ERP44: variants seen among roughly 807,000 people sequenced by gnomAD.
ERP44 encodes the protein endoplasmic reticulum resident protein 44.
Under a neutral mutation model 53.4 loss-of-function variants are expected in ERP44, and 25 were observed. The ratio of observed to expected loss-of-function variants is 0.47; its 90% CI spans 0.34 to 0.65. The LOEUF is 0.65. Ranked by LOEUF, ERP44 falls within the 30% of genes least tolerant of loss-of-function variation. The pLI, the probability that ERP44 is intolerant of heterozygous loss-of-function variation, is 0.01. For missense variants in ERP44, 338 were observed against 493.2 expected (o/e 0.69, Z 2.98); for synonymous variants, 145 against 161.2 (o/e 0.90, Z 0.76).
At chr9:100,006,416 A>G (rs549367532) in intron 10 of ERP44, 90 bp downstream of exon 10, 28 of 990,732 alleles carry the variant, frequency 2.8e-5, no homozygotes, top group Admixed American at 2.3e-4. Context: ...CTGTTCCAAC[A>G]TAGGATTATT....
chr9:100,037,183 G>A (rs1825854878), intron 4 of ERP44, among the ~76,000 whole-genome samples: 1 of 152,192 alleles, frequency 6.6e-6, no homozygotes, highest in South Asian at 2.1e-4. Flanking sequence ...GAGAAGGAGA[G>A]CACAGCAATT....
chr9:100,075,827 G>A (rs531864327), intron 1 of ERP44, among the ~76,000 whole-genome samples: 3 of 152,254 alleles, frequency 2.0e-5, no homozygotes, highest in South Asian at 4.2e-4. Flanking sequence ...CCCATTTATC[G>A]AGTGACTCAA....
rs1192577701 is a variant in ERP44 at position 99,985,203 on chromosome 9, G to A, written c.1017-134C>T. ...ACCACAACTATTGCAGGCCAGGTAT[G>A]TGTGAAACATTTTTACACAGTTGTA... On this transcript the variant is annotated intron_variant, in intron 10 of 11. Transcript: ENST00000262455. 15 of 605,182 alleles carry A rather than the reference G, an allele frequency of 2.5e-5. No homozygotes were observed. The East Asian group carries it at 4.0e-4, about 16-fold the overall frequency. 37.5% of individuals were successfully genotyped at this position (605,182 alleles called of 1,614,324 possible).
At chr9:100,001,371 C>T (rs994484383) in intron 10 of ERP44, among the ~76,000 whole-genome samples, 2 of 152,134 alleles carry the variant, frequency 1.3e-5, no homozygotes, top group Admixed American at 6.5e-5. Context: ...TGAGCTAAAA[C>T]TATTTAAGTC....
chr9:100,037,641 TG>T (rs1825858457), intron 4 of ERP44, among the ~76,000 whole-genome samples: 1 of 152,092 alleles, frequency 6.6e-6, no homozygotes, highest in Admixed American at 6.6e-5. Flanking sequence ...GTCTCGCATC[TG>T]GGATACCAGC....
chr9:100,050,531 T>C (rs1826025581), intron 4 of ERP44, among the ~76,000 whole-genome samples: 1 of 152,204 alleles, frequency 6.6e-6, no homozygotes, highest in Non-Finnish European at 1.5e-5. Context: ...CTCTACAATC[T>C]AATTGGCACA....
At chr9:100,054,399 C>T (rs1285440251) in intron 3 of ERP44, among the ~76,000 whole-genome samples, 3 of 151,970 alleles carry the variant, frequency 2.0e-5, no homozygotes, top group Admixed American at 2.0e-4. Flanking sequence ...GAAGAAAGAG[C>T]GGGCAAGCCT....
At chr9:100,054,933 G>C (rs1198369725) in intron 3 of ERP44, among the ~76,000 whole-genome samples, 1 of 152,136 alleles carries the variant, frequency 6.6e-6, no homozygotes, top group Non-Finnish European at 1.5e-5. Flanking sequence ...CTTCCATCTA[G>C]TGCTTAAATC....
Position 100,006,529 on chromosome 9 carries a change from C to A in ERP44, c.993G>T (p.Val331=), listed in dbSNP as rs1432130079. Residue 331 remains valine (V), a synonymous_variant, in exon 10 of 12, where the codon GTG becomes GTT. Transcript: ENST00000262455. ...IAIDSFRHMY[V]FGDFKDVLIP... ...ACAATACATCTTTGAAGTCTCCAAA[C>A]ACATACATATGCCTAAAGCTGTCAA... 1 of 1,609,896 alleles carries A rather than the reference C, an allele frequency of 6.2e-7. No individual in the cohort carries two copies. Among genetic ancestry groups the A allele is most frequent in the Admixed American group, 1.7e-5 (1 of 59,464 alleles).
At chr9:100,055,341 A>T (rs1404346841) in intron 3 of ERP44, among the ~76,000 whole-genome samples, 3 of 151,980 alleles carry the variant, frequency 2.0e-5, no homozygotes, top group African/African-American at 7.2e-5. Context: ...ATTAATGAAT[A>T]CTCCATTTAC....
intron 1 of ERP44, among the ~76,000 whole-genome samples, chr9:100,061,128 C>A (rs112455979): frequency 2.7e-4 from 41 of 152,260 alleles, no homozygotes; most frequent in African/African-American, 9.4e-4. Context: ...CTAGTATATA[C>A]ATAAGCCCAA....
chr9:100,038,138 C>T (rs548828816), intron 4 of ERP44, among the ~76,000 whole-genome samples: 1 of 152,080 alleles, frequency 6.6e-6, no homozygotes, highest in Admixed American at 6.5e-5. Context: ...AAGAAAAAGA[C>T]GTTAATAATA....
chr9:100,029,575 A>C (rs2118668474), intron 4 of ERP44, among the ~76,000 whole-genome samples: 1 of 152,354 alleles, frequency 6.6e-6, no homozygotes, highest in Non-Finnish European at 1.5e-5. Context: ...TTGATGAGAC[A>C]GTAACGTAGC....
chr9:100,097,354 CT>C (rs34792707), intron 1 of ERP44, among the ~76,000 whole-genome samples: 12 of 150,846 alleles, frequency 8.0e-5, no homozygotes, highest in Admixed American at 2.6e-4. Context: ...GATTTTTGCC[CT>C]TTTTTTTTGA....
At position 100,098,899 on chromosome 9, in the gene ERP44, G is replaced by T. The variant is rs1233139287; in HGVS notation, c.-59C>A. ...TGGCGGCTGGGACTGGGCTAGGTTG[G>T]GTTGGGTTAGGAAAGGGCTGGGCTC... On this transcript the variant is annotated 5_prime_UTR_variant, in exon 1 of 12. Transcript: ENST00000262455. The T allele has an allele frequency of 6.8e-7, 1 of 1,471,928 alleles. No homozygotes were observed. Among genetic ancestry groups the T allele is most frequent in the African/African-American group, 1.4e-5 (1 of 71,872 alleles). The allele number at this position is 1,471,928 out of a possible 1,614,324, so 91.2% of individuals were successfully genotyped here. A position where few individuals can be genotyped will look rare whatever the true frequency, so the allele number is the denominator to read the frequency against.
intron 1 of ERP44, among the ~76,000 whole-genome samples, chr9:100,073,346 T>C (rs1379525817): frequency 6.6e-6 from 1 of 152,226 alleles, no homozygotes; most frequent in Non-Finnish European, 1.5e-5. Flanking sequence ...TTTATAACTG[T>C]TACATAGAAT....
At position 99,981,188 on chromosome 9, in the gene ERP44, A is replaced by T. The variant is rs916766443; in HGVS notation, c.*1424T>A. On this transcript the variant is annotated 3_prime_UTR_variant, in exon 12 of 12. Transcript: ENST00000262455. ...TTTCTTATTCACAATTTGATACAATACATTAAATATACCCCTTATCACCTT... is the reference window on the plus strand; with the variant it reads ...TTTCTTATTCACAATTTGATACAATTCATTAAATATACCCCTTATCACCTT... The T allele has an allele frequency of 1.3e-5, 2 of 152,230 alleles. No individual in the cohort carries two copies. Among genetic ancestry groups the T allele is most frequent in the Non-Finnish European group, 2.9e-5 (2 of 68,036 alleles). The allele number at this position is 152,230 out of a possible 1,614,324, so 9.4% of individuals were successfully genotyped here.
Position 99,979,620 on chromosome 9 carries a change from T to C in ERP44, c.*2992A>G, listed in dbSNP as rs936667829. The C allele has an allele frequency of 8.4e-6, 2 of 238,740 alleles. No individual in the cohort carries two copies. Among genetic ancestry groups the C allele is most frequent in the African/African-American group, 4.5e-5 (2 of 44,804 alleles). 14.8% of individuals were successfully genotyped at this position (238,740 alleles called of 1,614,324 possible). ...TCCTTTTATGGTCCCCCTCACAATT[T>C]GAAAAACTCGAAGAGGTAGCTGGCT... On this transcript the variant is annotated 3_prime_UTR_variant, in exon 12 of 12. Transcript: ENST00000262455.
intron 1 of ERP44, among the ~76,000 whole-genome samples, chr9:100,082,545 A>G (rs1412868324): frequency 6.6e-6 from 1 of 152,112 alleles, no homozygotes; most frequent in African/African-American, 2.4e-5. Flanking sequence ...AAACATATAC[A>G]GTCGTCCATG....
Sources: allele counts gnomAD v4.1 joint callset (sites outside exome capture counted in the v4.1 genomes callset), GRCh38; gene constraint gnomAD v4.1.1; transcripts MANE v1.5; gene names NCBI Gene and HGNC (gene_info 2026-07-23, HGNC 2026-07-21).